Variants in CDH18 observed in about 807,000 individuals in gnomAD.
CDH18 encodes cadherin 18.
CDH18 carries 31 observed loss-of-function variants against 67.9 expected under a neutral mutation model. The observed-to-expected ratio is 0.46, with a 90% CI of 0.34 to 0.62. The LOEUF (loss-of-function observed/expected upper bound fraction) is 0.62, where lower values mean the gene tolerates loss of function less well. CDH18 is among the 20% of genes least tolerant of loss of function. The pLI is 0.01. For synonymous variants in CDH18, 362 were observed against 347.2 expected, an observed-to-expected ratio of 1.04 and a Z score of -0.48; for missense variants, 890 against 975.5, an observed-to-expected ratio of 0.91 and a Z score of 1.17.
intron 1 of CDH18, among the ~76,000 whole-genome samples, chr5:20,550,854 C>A (rs1028112534): frequency 1.3e-5 from 2 of 152,130 alleles, no homozygotes; most frequent in East Asian, 3.9e-4. Flanking sequence ...CTGATGAAAG[C>A]CTCAGGAAGC....
chr5:19,824,128 G>A (rs983720752), intron 3 of CDH18, among the ~76,000 whole-genome samples: 3 of 152,164 alleles, frequency 2.0e-5, no homozygotes, highest in South Asian at 2.1e-4. Context: ...TTGAATTCAC[G>A]TTTGATGTAG....
At chr5:19,626,863 A>G (rs940631136) in intron 5 of CDH18, among the ~76,000 whole-genome samples, 10 of 152,174 alleles carry the variant, frequency 6.6e-5, no homozygotes, top group Non-Finnish European at 1.3e-4. Flanking sequence ...AGTGCTGATT[A>G]TTATGCTTTC....
intron 2 of CDH18, among the ~76,000 whole-genome samples, chr5:20,116,950 C>G (rs767308234): frequency 5.3e-4 from 80 of 151,836 alleles, no homozygotes; most frequent in Non-Finnish European, 1.0e-3. Flanking sequence ...TACCTGAAAA[C>G]AAAACTTTTT....
intron 1 of CDH18, among the ~76,000 whole-genome samples, chr5:20,378,325 C>T (rs993717770): frequency 6.6e-6 from 1 of 152,072 alleles, no homozygotes; most frequent in African/African-American, 2.4e-5. Flanking sequence ...GCACCCACCA[C>T]CACGCCCAGC....
chr5:19,558,003 A>T (rs1034697656), intron 8 of CDH18, among the ~76,000 whole-genome samples: 2 of 152,072 alleles, frequency 1.3e-5, no homozygotes, highest in Non-Finnish European at 2.9e-5. Context: ...CCTCAAAACC[A>T]TGCAAATACA....
At chr5:20,056,718 C>T (rs569770907) in intron 2 of CDH18, among the ~76,000 whole-genome samples, 1 of 124,614 alleles carries the variant, frequency 8.0e-6, no homozygotes, top group Non-Finnish European at 1.6e-5. Context: ...CGAAGTCTCA[C>T]TGTCGCCCAG....
intron 11 of CDH18, among the ~76,000 whole-genome samples, chr5:19,489,439 G>A (rs960030949): frequency 4.0e-5 from 6 of 151,834 alleles, no homozygotes; most frequent in Non-Finnish European, 5.9e-5. Flanking sequence ...AGTAGAGACA[G>A]GGTTTCACCA....
intron 2 of CDH18, among the ~76,000 whole-genome samples, chr5:20,049,941 A>G (rs1481348111): frequency 6.6e-6 from 1 of 151,824 alleles, no homozygotes; most frequent in Non-Finnish European, 1.5e-5. Flanking sequence ...TATTAACCAA[A>G]GTTGAAATTT....
chr5:20,504,968 T>C (rs1379049284), intron 1 of CDH18, among the ~76,000 whole-genome samples: 2 of 151,906 alleles, frequency 1.3e-5, no homozygotes, highest in Non-Finnish European at 2.9e-5. Flanking sequence ...GGGGTTTCAC[T>C]GTGTTAGCCA....
chr5:20,098,447 T>C (rs1746174760), intron 2 of CDH18, among the ~76,000 whole-genome samples: 3 of 152,110 alleles, frequency 2.0e-5, no homozygotes, highest in South Asian at 2.1e-4. Context: ...GTTCATCTTA[T>C]TACCGAAAGG....
At chr5:19,623,585 G>A (rs1751035458) in intron 5 of CDH18, among the ~76,000 whole-genome samples, 1 of 151,634 alleles carries the variant, frequency 6.6e-6, no homozygotes, top group Non-Finnish European at 1.5e-5. Flanking sequence ...ATCTTATTCT[G>A]CTTTTTTTTG....
intron 4 of CDH18, among the ~76,000 whole-genome samples, chr5:19,737,222 G>A (rs1768461569): frequency 6.6e-6 from 1 of 151,888 alleles, no homozygotes; most frequent in Non-Finnish European, 1.5e-5. Flanking sequence ...TCTGATCATG[G>A]TGAATTTTCT....
chr5:19,652,139 A>G (rs1433190891), intron 5 of CDH18, among the ~76,000 whole-genome samples: 1 of 151,830 alleles, frequency 6.6e-6, no homozygotes, highest in East Asian at 1.9e-4. Flanking sequence ...TTTTCTTTTT[A>G]ATATAATTAT....
intron 1 of CDH18, among the ~76,000 whole-genome samples, chr5:20,274,999 C>A (rs1307115496): frequency 2.0e-5 from 3 of 151,928 alleles, no homozygotes; most frequent in Non-Finnish European, 4.4e-5. Flanking sequence ...TATCAAGGCC[C>A]TTAAATGTTA....
Position 20,027,019 on chromosome 5 carries a change from T to A in CDH18, c.-517-35005A>T, listed in dbSNP as rs917776871. Among the ~76,000 whole-genome samples the A allele has an allele frequency of 7.3e-4, 110 of 151,446 alleles. 2 individuals are homozygous for A. The highest frequency in any genetic ancestry group is 6.8e-3 in the Admixed American group (104 of 15,212). ...TGATATGGAAATAAACATAAAAAAA[T>A]AAATAAATAAAATAAAATTTGGACC... is the stretch of plus-strand genomic sequence containing the variant. On this transcript the variant is annotated intron_variant, in intron 2 of 14. Coordinates refer to the CDH18 transcript ENST00000507958.
chr5:20,235,343 G>A (rs534362804), intron 2 of CDH18, among the ~76,000 whole-genome samples: 12 of 151,908 alleles, frequency 7.9e-5, no homozygotes, highest in Non-Finnish European at 1.0e-4. Flanking sequence ...TAAACAGACC[G>A]CCCACAGAAT....
chr5:20,118,810 C>T (rs1214503236), intron 2 of CDH18, among the ~76,000 whole-genome samples: 13 of 152,070 alleles, frequency 8.5e-5, no homozygotes, highest in Admixed American at 8.5e-4. Flanking sequence ...CCAGGAAGAA[C>T]TCATTATTTT....
At chr5:20,573,806 AATATATATATATATATATATATATAT>A (rs60858438) in intron 1 of CDH18, among the ~76,000 whole-genome samples, 5 of 119,108 alleles carry the variant, frequency 4.2e-5, no homozygotes, top group African/African-American at 1.1e-4. Context: ...ACTTAAAAGA[AATATATATATATATATATATATATAT>A]ATATATATAT....
At chr5:19,534,433 A>G (rs1182252642) in intron 9 of CDH18, among the ~76,000 whole-genome samples, 2 of 152,148 alleles carry the variant, frequency 1.3e-5, no homozygotes, top group Non-Finnish European at 2.9e-5. Context: ...TTAACATACA[A>G]TTTGTTACTT....
Sources: gnomAD v4.1 joint callset for allele counts (sites outside exome capture counted in the v4.1 genomes callset) on GRCh38, gnomAD v4.1.1 for gene constraint, MANE v1.5 for transcripts, NCBI Gene and HGNC (gene_info 2026-07-23, HGNC 2026-07-21) for gene names.